CD1B: variants seen among roughly 807,000 people sequenced by gnomAD.
The protein encoded by CD1B is T-cell surface glycoprotein CD1b.
In CD1B, 43 loss-of-function variants were observed where a neutral mutation model predicts 39.8. The ratio of observed to expected loss-of-function variants is 1.08; its 90% confidence interval spans 0.85 to 1.39. The LOEUF is 1.39. Ranked by LOEUF, CD1B falls within the 40% of genes most tolerant of loss-of-function variation. The pLI, the probability that CD1B is intolerant of heterozygous loss-of-function variation, is 0.00. For synonymous variants in CD1B, 192 were observed against 152.5 expected, an observed-to-expected ratio of 1.26 and a Z score of -1.91; for missense variants, 495 against 403.8, an observed-to-expected ratio of 1.23 and a Z score of -1.94.
the CD1B span, among the ~76,000 whole-genome samples, chr1:158,296,507 C>T: frequency 1.3e-5 from 2 of 152,162 alleles, no homozygotes; most frequent in African/African-American, 2.4e-5. Flanking sequence ...AGAAAGAACC[C>T]GTGGAAGAAC....
At chr1:158,328,336 T>C (rs377032310) in intron 5 of CD1B, 79 bp from the exon 6 acceptor site, 10 of 1,226,408 alleles carry the variant, frequency 8.2e-6, no homozygotes, top group Non-Finnish European at 9.5e-6. Context: ...TTATTCATGA[T>C]AGTTAAAAGT....
chr1:158,304,459 G>T, the CD1B span, among the ~76,000 whole-genome samples: 1 of 152,192 alleles, frequency 6.6e-6, no homozygotes, highest in African/African-American at 2.4e-5. Flanking sequence ...ATGGGGTGTA[G>T]CCCACCGCAG....
chr1:158,315,331 T>C, the CD1B span, among the ~76,000 whole-genome samples: 9 of 151,770 alleles, frequency 5.9e-5, no homozygotes, highest in Admixed American at 4.6e-4. Flanking sequence ...GTTTCCTGAC[T>C]TTTTAATGAT....
chr1:158,295,119 A>G, the CD1B span, among the ~76,000 whole-genome samples: 6 of 152,184 alleles, frequency 3.9e-5, no homozygotes, highest in African/African-American at 7.2e-5. Context: ...ATATAAAATT[A>G]AACTTATTTT....
chr1:158,295,193 A>G, the CD1B span, among the ~76,000 whole-genome samples: 1 of 152,110 alleles, frequency 6.6e-6, no homozygotes, highest in African/African-American at 2.4e-5. Context: ...CCAAGAGACA[A>G]GACCATCAAG....
At chr1:158,310,096 G>T in the CD1B span, among the ~76,000 whole-genome samples, 1 of 152,036 alleles carries the variant, frequency 6.6e-6, no homozygotes, top group Non-Finnish European at 1.5e-5. Flanking sequence ...AACCAAAACA[G>T]CATGGTACTA....
At chr1:158,295,681 C>T in the CD1B span, among the ~76,000 whole-genome samples, 1 of 151,968 alleles carries the variant, frequency 6.6e-6, no homozygotes, top group Admixed American at 6.6e-5. Context: ...CTGATCTGAG[C>T]CCCCCACCCC....
the CD1B span, among the ~76,000 whole-genome samples, chr1:158,295,366 G>T: frequency 6.6e-6 from 1 of 152,136 alleles, no homozygotes; most frequent in Non-Finnish European, 1.5e-5. Flanking sequence ...TAGGGAAGGG[G>T]TTGGTTAAAT....
At chr1:158,316,076 T>C in the CD1B span, among the ~76,000 whole-genome samples, 1 of 152,034 alleles carries the variant, frequency 6.6e-6, no homozygotes, top group Admixed American at 6.6e-5. Flanking sequence ...TAGTATAGTT[T>C]GAAGTCAGGT....
chr1:158,324,789 T>G (rs1300700429), downstream of CD1B, among the ~76,000 whole-genome samples: 1 of 152,090 alleles, frequency 6.6e-6, no homozygotes, highest in Admixed American at 6.5e-5. Context: ...GCAAGAAGTT[T>G]CGGCAAGAAC....
the CD1B span, among the ~76,000 whole-genome samples, chr1:158,308,217 A>C: frequency 6.6e-6 from 1 of 152,216 alleles, no homozygotes; most frequent in African/African-American, 2.4e-5. Context: ...ACCATGAGTG[A>C]ACTCCCATTC....
At chr1:158,298,480 G>T in the CD1B span, among the ~76,000 whole-genome samples, 1 of 152,284 alleles carries the variant, frequency 6.6e-6, no homozygotes, top group African/African-American at 2.4e-5. Flanking sequence ...CTTTTGCTTA[G>T]GATTGTCTTG....
At chr1:158,318,448 A>G in the CD1B span, among the ~76,000 whole-genome samples, 2 of 152,022 alleles carry the variant, frequency 1.3e-5, no homozygotes, top group Non-Finnish European at 2.9e-5. Context: ...GATCTTTATT[A>G]GTTTAAAGTC....
At chr1:158,293,670 C>T in the CD1B span, 4 of 1,289,458 alleles carry the variant, frequency 3.1e-6, no homozygotes, top group African/African-American at 5.9e-5. Context: ...TAGCACTCAA[C>T]CTTCAAAGCC....
intron 2 of CD1B, chr1:158,330,416 G>A (rs939985783): frequency 5.3e-6 from 3 of 565,702 alleles, no homozygotes; most frequent in East Asian, 3.1e-5. Flanking sequence ...AGAGTGAGTG[G>A]AGGTTCCCAG....
At chr1:158,306,862 A>C in the CD1B span, among the ~76,000 whole-genome samples, 1 of 152,196 alleles carries the variant, frequency 6.6e-6, no homozygotes, top group Admixed American at 6.5e-5. Context: ...GGCAGAAATA[A>C]AGATGTTCTT....
chr1:158,316,407 C>A, the CD1B span, among the ~76,000 whole-genome samples: 3 of 151,680 alleles, frequency 2.0e-5, no homozygotes, highest in African/African-American at 7.3e-5. Context: ...GTATTTTATT[C>A]TCTTTAAAGC....
At chr1:158,314,605 T>G in the CD1B span, among the ~76,000 whole-genome samples, 1 of 152,110 alleles carries the variant, frequency 6.6e-6, no homozygotes, top group Non-Finnish European at 1.5e-5. Flanking sequence ...ACTTCCCTCT[T>G]AGAAATGCTT....
intron 3 of CD1B, 80 bp downstream of exon 3, chr1:158,329,772 T>C: frequency 6.4e-7 from 1 of 1,559,020 alleles, no homozygotes; most frequent in South Asian, 1.2e-5. Flanking sequence ...TAACTTGTTA[T>C]TTAAGCTCCT....
Sources: allele counts gnomAD v4.1 joint callset (sites outside exome capture counted in the v4.1 genomes callset), GRCh38; gene constraint gnomAD v4.1.1; transcripts MANE v1.5; gene names NCBI Gene and HGNC (gene_info 2026-07-23, HGNC 2026-07-21).